OPCML: variants seen among roughly 807,000 people sequenced by gnomAD.
OPCML encodes the protein opioid binding protein/cell adhesion molecule like.
OPCML carries 13 observed loss-of-function variants against 37.8 expected under a neutral mutation model. The observed-to-expected ratio is 0.34, with a 90% CI of 0.22 to 0.55. The LOEUF (loss-of-function observed/expected upper bound fraction) is 0.55, where lower values mean the gene tolerates loss of function less well. Ranked by LOEUF, OPCML falls within the 20% of genes least tolerant of loss-of-function variation. OPCML has a pLI of 0.91. For missense variants in OPCML, 341 were observed against 435.6 expected, an observed-to-expected ratio of 0.78 and a Z score of 1.93; for synonymous variants, 176 against 168.8, an observed-to-expected ratio of 1.04 and a Z score of -0.33.
At chr11:132,429,872 C>T (rs1402272848) in intron 7 of OPCML, among the ~76,000 whole-genome samples, 1 of 152,072 alleles carries the variant, frequency 6.6e-6, no homozygotes, top group Non-Finnish European at 1.5e-5. Flanking sequence ...ACAGAAGAGC[C>T]CTTCCCCTCT....
At chr11:132,940,155 C>T (rs1945529526) in intron 2 of OPCML, among the ~76,000 whole-genome samples, 1 of 152,172 alleles carries the variant, frequency 6.6e-6, no homozygotes. Flanking sequence ...AAAGACCTGT[C>T]ACAACAAAAC....
chr11:132,497,156 C>G (rs778719945), intron 4 of OPCML, among the ~76,000 whole-genome samples: 1 of 152,068 alleles, frequency 6.6e-6, no homozygotes, highest in Non-Finnish European at 1.5e-5. Context: ...AACCAAACAC[C>G]ACATGTTCTC....
chr11:132,854,550 C>G (rs1941970533), intron 2 of OPCML, among the ~76,000 whole-genome samples: 1 of 152,184 alleles, frequency 6.6e-6, no homozygotes, highest in Admixed American at 6.5e-5. Context: ...AGCCATCAGT[C>G]ATCTCATTAG....
chr11:133,328,427 G>C (rs561836819), intron 1 of OPCML, among the ~76,000 whole-genome samples: 1 of 152,212 alleles, frequency 6.6e-6, no homozygotes, highest in African/African-American at 2.4e-5. Flanking sequence ...CAATGGGCTG[G>C]GATTACAGGC....
chr11:132,755,801 C>T (rs564994810), intron 2 of OPCML, among the ~76,000 whole-genome samples: 23 of 152,184 alleles, frequency 1.5e-4, no homozygotes, highest in Non-Finnish European at 2.8e-4. Context: ...AAAGCAACAA[C>T]ACAGGTATAT....
intron 1 of OPCML, among the ~76,000 whole-genome samples, chr11:133,291,784 T>C (rs1942483280): frequency 6.6e-6 from 1 of 152,240 alleles, no homozygotes; most frequent in Non-Finnish European, 1.5e-5. Context: ...CTCAGCATTT[T>C]ACTCTCCACT....
At chr11:133,170,633 A>G (rs1950276442) in intron 1 of OPCML, among the ~76,000 whole-genome samples, 1 of 152,088 alleles carries the variant, frequency 6.6e-6, no homozygotes, top group Non-Finnish European at 1.5e-5. Flanking sequence ...GCTAAACTTG[A>G]GTTTTAGTTT....
At chr11:133,288,470 T>C (rs1241314344) in intron 1 of OPCML, among the ~76,000 whole-genome samples, 15 of 152,108 alleles carry the variant, frequency 9.9e-5, no homozygotes, top group Non-Finnish European at 2.2e-4. Context: ...TAGAGTGCTT[T>C]AGAAAAAAAG....
intron 1 of OPCML, among the ~76,000 whole-genome samples, chr11:133,349,513 G>T (rs1015482087): frequency 6.6e-6 from 1 of 152,156 alleles, no homozygotes; most frequent in Admixed American, 6.5e-5. Flanking sequence ...GGTCTATCCT[G>T]CATGGTGATA....
intron 4 of OPCML, among the ~76,000 whole-genome samples, chr11:132,522,621 C>T (rs2096296687): frequency 6.6e-6 from 1 of 152,144 alleles, no homozygotes. Flanking sequence ...CTTTTGATTC[C>T]TAAAATAAAC....
chr11:132,570,735 G>C (rs1357272206), intron 3 of OPCML, among the ~76,000 whole-genome samples: 2 of 113,880 alleles, frequency 1.8e-5, no homozygotes, highest in Non-Finnish European at 3.5e-5. Context: ...AAGAACTCAG[G>C]GGAATAGGCA....
chr11:133,344,237 A>G (rs1943944923), intron 1 of OPCML, among the ~76,000 whole-genome samples: 1 of 152,170 alleles, frequency 6.6e-6, no homozygotes, highest in Non-Finnish European at 1.5e-5. Flanking sequence ...CCCAGGTGGT[A>G]TTTCTCCAGC....
chr11:133,069,560 G>A (rs1948492126), intron 1 of OPCML, among the ~76,000 whole-genome samples: 1 of 152,156 alleles, frequency 6.6e-6, no homozygotes, highest in Non-Finnish European at 1.5e-5. Context: ...ACTATCAAAC[G>A]TGTGTGTGCG....
At chr11:133,362,062 G>T in intron 1 of OPCML, 1 of 152,388 alleles carries the variant, frequency 6.6e-6, no homozygotes. Flanking sequence ...TCGGGGCTGC[G>T]GGCGTTGTCC....
At position 132,618,954 on chromosome 11, in the gene OPCML, T is replaced by TACAC. The variant is rs6144570; in HGVS notation, c.379+38129_379+38132dup. On this transcript the variant is annotated intron_variant, in intron 3 of 7. Coordinates refer to ENST00000524381, the MANE Select transcript of OPCML (RefSeq NM_001012393.5). ...CATTGTACACACACAAGCACACGCATACACACACACACACACACACACACA... is the reference window on the plus strand; with the variant it reads ...CATTGTACACACACAAGCACACGCATACACACACACACACACACACACACACACA... 4.3e-3 allele frequency among the ~76,000 whole-genome samples: 624 copies of TACAC among 145,526 alleles called. 1 individual carries two copies. Among genetic ancestry groups the TACAC allele is most frequent in the Non-Finnish European group, 5.3e-3 (344 of 65,510 alleles).
chr11:132,467,251 T>C (rs2096122855), intron 4 of OPCML, among the ~76,000 whole-genome samples: 1 of 152,182 alleles, frequency 6.6e-6, no homozygotes, highest in East Asian at 1.9e-4. Context: ...CCTGCTCCTC[T>C]AGCCTTCCGT....
chr11:133,455,437 G>A (rs776883205), intron 1 of OPCML, among the ~76,000 whole-genome samples: 2 of 152,100 alleles, frequency 1.3e-5, no homozygotes, highest in Non-Finnish European at 2.9e-5. Context: ...AATGTTCTCA[G>A]TTAGAAAAAT....
At chr11:132,443,987 T>G (rs2096045644) in intron 4 of OPCML, among the ~76,000 whole-genome samples, 1 of 152,200 alleles carries the variant, frequency 6.6e-6, no homozygotes, top group African/African-American at 2.4e-5. Flanking sequence ...TCTCTGAGAA[T>G]TAGAGACAGT....
intron 1 of OPCML, among the ~76,000 whole-genome samples, chr11:133,025,847 C>T (rs1240314564): frequency 6.8e-6 from 1 of 146,714 alleles, no homozygotes; most frequent in Non-Finnish European, 1.5e-5. Context: ...GATTCTCATG[C>T]TTTAGCCTCC....
Sources: allele counts gnomAD v4.1 joint callset (sites outside exome capture counted in the v4.1 genomes callset), GRCh38; gene constraint gnomAD v4.1.1; transcripts MANE v1.5; gene names NCBI Gene and HGNC (gene_info 2026-07-23, HGNC 2026-07-21).